The following CSMD1 variants were observed in gnomAD, a reference collection of about 807,000 sequenced individuals.
CSMD1 encodes the protein CUB and Sushi multiple domains 1, also known as CUB and sushi domain-containing protein 1.
In CSMD1, 213 loss-of-function variants were observed where a neutral mutation model predicts 417.5. The observed-to-expected ratio is 0.51, with a 90% CI of 0.46 to 0.57. The LOEUF (loss-of-function observed/expected upper bound fraction) is 0.57, where lower values mean the gene tolerates loss of function less well. CSMD1 is among the 20% of genes least tolerant of loss of function. The pLI is 0.00. For synonymous variants in CSMD1, 2,862 were observed against 1,736.8 expected, an observed-to-expected ratio of 1.65 and a Z score of -16.11; for missense variants, 6,923 against 4,529.7, an observed-to-expected ratio of 1.53 and a Z score of -15.17.
At chr8:3,279,035 C>T (rs1463042755) in intron 26 of CSMD1, 1 of 152,124 alleles carries the variant, frequency 6.6e-6, no homozygotes, top group African/African-American at 2.4e-5. Flanking sequence ...ATCAGGTTCT[C>T]AGGGAGATGG....
chr8:4,619,385 T>G (rs1801646976), intron 2 of CSMD1, among the ~76,000 whole-genome samples: 1 of 152,152 alleles, frequency 6.6e-6, no homozygotes, highest in African/African-American at 2.4e-5. Context: ...CAGTTTTGAG[T>G]GAGGATTTCT....
chr8:4,941,791 G>A (rs1808020956), intron 1 of CSMD1, among the ~76,000 whole-genome samples: 2 of 152,072 alleles, frequency 1.3e-5, no homozygotes, highest in Admixed American at 6.6e-5. Flanking sequence ...TAGGGACAGG[G>A]TCTCCCCATG....
At chr8:4,080,504 A>C (rs1158787297) in intron 3 of CSMD1, among the ~76,000 whole-genome samples, 1 of 152,238 alleles carries the variant, frequency 6.6e-6, no homozygotes, top group Non-Finnish European at 1.5e-5. Context: ...TCTTACTTGC[A>C]AAAGAAGATA....
At chr8:3,220,728 G>C (rs1798159802) in intron 28 of CSMD1, among the ~76,000 whole-genome samples, 2 of 152,266 alleles carry the variant, frequency 1.3e-5, no homozygotes, top group South Asian at 2.1e-4. Context: ...CTGCTCGGGA[G>C]GCTGAGGCAG....
intron 3 of CSMD1, among the ~76,000 whole-genome samples, chr8:4,115,962 TA>T (rs1802112994): frequency 1.5e-5 from 2 of 135,448 alleles, no homozygotes; most frequent in African/African-American, 5.6e-5. Context: ...GGGTTTTCAT[TA>T]TTTTATTTAT....
At chr8:3,241,835 T>C (rs56163386) in intron 26 of CSMD1, among the ~76,000 whole-genome samples, 115,932 of 151,724 alleles carry the variant, frequency 0.76, 44,782 homozygotes, top group Non-Finnish European at 0.83. Context: ...GCTGCCTCTA[T>C]TCTATTATTG....
intron 30 of CSMD1, among the ~76,000 whole-genome samples, chr8:3,210,868 G>C (rs181099782): frequency 1.3e-5 from 2 of 151,822 alleles, no homozygotes; most frequent in Non-Finnish European, 2.9e-5. Flanking sequence ...TGTATTATTA[G>C]TTAACAAAAG....
intron 1 of CSMD1, among the ~76,000 whole-genome samples, chr8:4,752,750 G>A (rs778850292): frequency 3.3e-5 from 5 of 152,128 alleles, no homozygotes; most frequent in African/African-American, 9.7e-5. Context: ...GATTTGCTCC[G>A]TGGAAGGACA....
chr8:4,695,540 G>A (rs1241511470), intron 1 of CSMD1, among the ~76,000 whole-genome samples: 1 of 152,050 alleles, frequency 6.6e-6, no homozygotes, highest in Admixed American at 6.6e-5. Flanking sequence ...GCAGTTTTAA[G>A]TTCACAGAAA....
chr8:4,374,380 A>G (rs1802585200), intron 3 of CSMD1, among the ~76,000 whole-genome samples: 1 of 152,192 alleles, frequency 6.6e-6, no homozygotes, highest in African/African-American at 2.4e-5. Context: ...GATATCAGTA[A>G]TAATAAAAAG....
intron 2 of CSMD1, among the ~76,000 whole-genome samples, chr8:4,503,983 A>G (rs1461917774): frequency 6.6e-6 from 1 of 151,732 alleles, no homozygotes; most frequent in Non-Finnish European, 1.5e-5. Context: ...AAAAAAAAAA[A>G]AGAAAAAAAA....
intron 17 of CSMD1, among the ~76,000 whole-genome samples, chr8:3,387,902 T>C (rs1251761385): frequency 1.3e-5 from 2 of 152,244 alleles, no homozygotes; most frequent in African/African-American, 4.8e-5. Flanking sequence ...GTTTACCAGA[T>C]ATTATCTACA....
At chr8:3,776,312 A>T (rs767291556) in intron 5 of CSMD1, among the ~76,000 whole-genome samples, 2 of 152,118 alleles carry the variant, frequency 1.3e-5, no homozygotes, top group Non-Finnish European at 2.9e-5. Flanking sequence ...CATACAACCC[A>T]AATTAGATCA....
intron 5 of CSMD1, among the ~76,000 whole-genome samples, chr8:3,968,307 G>A (rs915352536): frequency 6.6e-6 from 1 of 152,134 alleles, no homozygotes; most frequent in Non-Finnish European, 1.5e-5. Context: ...CTCATAGGCA[G>A]CATGAGTATT....
chr8:4,706,617 T>C (rs1229374798), intron 1 of CSMD1, among the ~76,000 whole-genome samples: 4 of 152,368 alleles, frequency 2.6e-5, no homozygotes, highest in Non-Finnish European at 4.4e-5. Flanking sequence ...GTCTAGTTAG[T>C]ATAAACAGTA....
rs561765779 is a variant in CSMD1, at chr8:3,444,871, C to T, written c.1561+23841G>A. Among the ~76,000 whole-genome samples the T allele has an allele frequency of 5.3e-5, 8 of 152,222 alleles. No homozygotes were observed. In the South Asian group the frequency reaches 1.2e-3, roughly 24 times the overall value. On this transcript the variant is annotated intron_variant, in intron 12 of 69. Coordinates refer to ENST00000635120, the MANE Select transcript of CSMD1 (RefSeq NM_033225.6). ...AGAAGCAACAGAATCAGAATACTAT[C>T]GATTTGTGGCATTTAGTCAATAAAC...
intron 1 of CSMD1, among the ~76,000 whole-genome samples, chr8:4,712,096 GC>G (rs1168929075): frequency 6.6e-6 from 1 of 152,178 alleles, no homozygotes; most frequent in Non-Finnish European, 1.5e-5. Context: ...ATTAGGCAAT[GC>G]CCCTGGAAGT....
At chr8:3,604,686 C>G (rs2100137869) in intron 8 of CSMD1, among the ~76,000 whole-genome samples, 1 of 152,136 alleles carries the variant, frequency 6.6e-6, no homozygotes. Context: ...CTAGAGGTCC[C>G]TAGATATCTC....
At chr8:3,701,146 G>T (rs1363346119) in intron 7 of CSMD1, among the ~76,000 whole-genome samples, 1 of 152,114 alleles carries the variant, frequency 6.6e-6, no homozygotes, top group African/African-American at 2.4e-5. Context: ...AGAGATGCCT[G>T]TTAGACATCA....
Sources: gnomAD v4.1 joint callset for allele counts (sites outside exome capture counted in the v4.1 genomes callset) on GRCh38, gnomAD v4.1.1 for gene constraint, MANE v1.5 for transcripts, NCBI Gene and HGNC (gene_info 2026-07-23, HGNC 2026-07-21) for gene names.